The following CPSF2 variants were observed in gnomAD, a reference collection of about 807,000 sequenced individuals.
CPSF2 encodes cleavage and polyadenylation specificity factor subunit 2.
In CPSF2, 51 loss-of-function variants were observed where a neutral mutation model predicts 84.2. The ratio of observed to expected loss-of-function variants is 0.61; its 90% CI spans 0.48 to 0.77. The LOEUF (loss-of-function observed/expected upper bound fraction) is 0.77. Ranked by LOEUF, CPSF2 falls within the 30% of genes least tolerant of loss-of-function variation. The pLI, the probability that CPSF2 is intolerant of heterozygous loss-of-function variation, is 0.00. For missense variants in CPSF2, 641 were observed against 929.4 expected (o/e 0.69, Z 4.03); for synonymous variants, 286 against 311.9 (o/e 0.92, Z 0.87).
intron 3 of CPSF2, among the ~76,000 whole-genome samples, chr14:92,131,576 C>A (rs1398709788): frequency 6.6e-6 from 1 of 152,126 alleles, no homozygotes; most frequent in East Asian, 1.9e-4. Flanking sequence ...CAGTGGCTCA[C>A]GCTGGCAATC....
chr14:92,170,030 T>G lies in CPSF2; in HGVS notation c.*8286T>G, dbSNP rs1429928383. ...GGCTCATGCCTGTAGTCCCAGTTAC[T>G]CAGGAGGCTGAGGCAGGAGGATCCC... On this transcript the variant is annotated 3_prime_UTR_variant, in exon 16 of 16. Transcript: ENST00000298875. 1.3e-5 allele frequency: 2 copies of G among 152,076 alleles called. No individual in the cohort carries two copies. Among genetic ancestry groups the G allele is most frequent in the Non-Finnish European group, 2.9e-5 (2 of 68,074 alleles). The allele number at this position is 152,076 out of a possible 1,614,324, so 9.4% of individuals were successfully genotyped here.
In CPSF2 at chr14:92,157,584, T is replaced by C; in HGVS notation, c.1596-75T>C. On this transcript the variant is annotated intron_variant, in intron 12 of 15. Transcript: ENST00000298875. The surrounding 1 kb of genome is among the most constrained non-coding windows in gnomAD (Gnocchi z 4.0). ...ATTTCTCAAATCCTAGTGTTATATATTGTATACATGATAAAAGCCATTTTT... is the reference window on the plus strand; with the variant it reads ...ATTTCTCAAATCCTAGTGTTATATACTGTATACATGATAAAAGCCATTTTT... The C allele has an allele frequency of 1.1e-6, 1 of 871,550 alleles. No individual in the cohort carries two copies. Among genetic ancestry groups the C allele is most frequent in the Non-Finnish European group, 1.8e-6 (1 of 543,846 alleles). 54.0% of individuals were successfully genotyped at this position (871,550 alleles called of 1,614,324 possible).
At chr14:92,130,235 T>G (rs917488235) in intron 2 of CPSF2, among the ~76,000 whole-genome samples, 1 of 152,156 alleles carries the variant, frequency 6.6e-6, no homozygotes, top group Non-Finnish European at 1.5e-5. Context: ...CTGAAAAGTT[T>G]GTGAATTTCT....
At chr14:92,144,422 C>T (rs2069118971) in intron 9 of CPSF2, among the ~76,000 whole-genome samples, 1 of 152,218 alleles carries the variant, frequency 6.6e-6, no homozygotes, top group African/African-American at 2.4e-5. Flanking sequence ...TCAAGCATAT[C>T]ATTCTGAATT....
intron 9 of CPSF2, among the ~76,000 whole-genome samples, chr14:92,146,873 T>C (rs949833747): frequency 6.6e-6 from 1 of 152,216 alleles, no homozygotes; most frequent in African/African-American, 2.4e-5. Flanking sequence ...AGGATCTTTG[T>C]ACTAGCTGTT....
intron 3 of CPSF2, among the ~76,000 whole-genome samples, chr14:92,133,748 G>A (rs529526552): frequency 1.3e-5 from 2 of 151,920 alleles, no homozygotes; most frequent in Non-Finnish European, 2.9e-5. Flanking sequence ...TTACAGGTGT[G>A]TGCCATCACA....
At chr14:92,155,985 T>TA (rs2069284411) in intron 11 of CPSF2, among the ~76,000 whole-genome samples, 1 of 149,808 alleles carries the variant, frequency 6.7e-6, no homozygotes, top group Non-Finnish European at 1.5e-5. Flanking sequence ...GTGTGGAAAA[T>TA]AAAAAAAGAA....
Position 92,157,548 on chromosome 14 carries a change from A to G in CPSF2, c.1596-111A>G. 1.5e-6 allele frequency: 1 copy of G among 680,046 alleles called. No homozygotes were observed. The highest frequency in any genetic ancestry group is 2.5e-6 in the Non-Finnish European group (1 of 398,930). The allele number at this position is 680,046 out of a possible 1,614,324, so 42.1% of individuals were successfully genotyped here. On this transcript the variant is annotated intron_variant, in intron 12 of 15. Coordinates refer to ENST00000298875, the MANE Select transcript of CPSF2 (RefSeq NM_017437.3). The surrounding 1 kb of genome is among the most constrained non-coding windows in gnomAD (Gnocchi z 4.0). ...AAATAAAATAAATCATACAGATACTATAACATGTGTATTTCTCAAATCCTA... is the reference window on the plus strand; with the variant it reads ...AAATAAAATAAATCATACAGATACTGTAACATGTGTATTTCTCAAATCCTA...
chr14:92,129,543 C>T (rs78431522), intron 2 of CPSF2, among the ~76,000 whole-genome samples: 2,082 of 152,052 alleles, frequency 0.014, 49 homozygotes, highest in African/African-American at 0.047. Context: ...TTAGGTAACT[C>T]GGTGGCCTTC....
intron 9 of CPSF2, among the ~76,000 whole-genome samples, chr14:92,145,355 T>TA (rs35504896): frequency 0.098 from 14,925 of 152,102 alleles, 810 homozygotes; most frequent in East Asian, 0.15. Flanking sequence ...CACCACCCCC[T>TA]AACCCACTCC....
rs2068972589 is a variant in CPSF2 at position 92,134,368 on chromosome 14, T to G, written c.415+13T>G. On this transcript the variant is annotated intron_variant, in intron 5 of 15. Transcript: ENST00000298875. ...GTGAATTTGAAAGGTAAAAAGAATT[T>G]CCAGTAGTAAGTATTTAGATGAATG... The G allele has an allele frequency of 5.2e-6, 8 of 1,545,684 alleles. No individual in the cohort carries two copies. Among genetic ancestry groups the G allele is most frequent in the Non-Finnish European group, 7.1e-6 (8 of 1,121,846 alleles).
chr14:92,122,402 TC>T (rs1202791862), intron 1 of CPSF2: 1 of 158,712 alleles, frequency 6.3e-6, no homozygotes, highest in Non-Finnish European at 1.4e-5. Flanking sequence ...TCCCTCTGCT[TC>T]CCCTTTCATC....
intron 7 of CPSF2, among the ~76,000 whole-genome samples, chr14:92,139,948 C>CTTTTTTTTTTTTTTTTTTTT (rs1331887317): frequency 1.7e-5 from 2 of 115,848 alleles, no homozygotes; most frequent in African/African-American, 3.4e-5. Flanking sequence ...AAAAGTACAA[C>CTTTTTTTTTTTTTTTTTTTT]TATTTTTTTT....
chr14:92,149,865 C>A (rs1396747072), intron 9 of CPSF2, among the ~76,000 whole-genome samples: 2 of 151,892 alleles, frequency 1.3e-5, no homozygotes, highest in African/African-American at 4.8e-5. Context: ...CCATGTTAAC[C>A]AGGATGGTCT....
At chr14:92,137,122 G>C (rs1244452177) in intron 6 of CPSF2, among the ~76,000 whole-genome samples, 2 of 151,942 alleles carry the variant, frequency 1.3e-5, no homozygotes, top group East Asian at 3.9e-4. Context: ...AAATATACCA[G>C]TTGCAAGATG....
chr14:92,152,108 TTTTATTTATTA>T (rs2069227341), intron 9 of CPSF2, among the ~76,000 whole-genome samples: 1 of 151,690 alleles, frequency 6.6e-6, no homozygotes, highest in Non-Finnish European at 1.5e-5. Context: ...TGCCATGTGG[TTTTATTTATTA>T]TTTATTTATT....
At chr14:92,154,271 A>T in intron 9 of CPSF2, 87 bp from the exon 10 acceptor site, 1 of 832,642 alleles carries the variant, frequency 1.2e-6, no homozygotes, top group Non-Finnish European at 1.8e-6. Context: ...AGAGCAATTT[A>T]GAGATGTGAT....
At position 92,157,750 on chromosome 14, in the gene CPSF2, A is replaced by G; in HGVS notation, c.1687A>G (p.Ile563Val). 1.2e-6 allele frequency: 2 copies of G among 1,614,168 alleles called. No individual in the cohort carries two copies. Among genetic ancestry groups the G allele is most frequent in the African/African-American group, 1.3e-5 (1 of 75,054 alleles). ...TCAGATGAAACCACGACAGTTGATC[A>G]TCGTCCATGGCCCACCAGAGGCCAG... ...INQMKPRQLI[I>V]VHGPPEASQD... Residue 563 changes from isoleucine (I) to valine (V), a missense_variant, in exon 13 of 16, where the codon ATC (isoleucine) becomes GTC (valine). This residue lies in a region of CPSF2 where 430 missense variants were observed against 553.6 expected (regional missense o/e 0.78). Coordinates refer to ENST00000298875, the MANE Select transcript of CPSF2 (RefSeq NM_017437.3). This position sits in a 1 kb window ranked among gnomAD's most constrained non-coding sequence, Gnocchi z 4.0.
At chr14:92,154,190 A>G (rs868788010) in intron 9 of CPSF2, 168 bp from the exon 10 acceptor site, 1 of 517,330 alleles carries the variant, frequency 1.9e-6, no homozygotes, top group Non-Finnish European at 3.4e-6. Flanking sequence ...ATACTAATCT[A>G]AATAGGACCT....
Sources: allele counts gnomAD v4.1 joint callset (sites outside exome capture counted in the v4.1 genomes callset), GRCh38; gene constraint gnomAD v4.1.1; regional missense constraint gnomAD v4.1.1; non-coding constraint Gnocchi (gnomAD v3.1); transcripts MANE v1.5; gene names NCBI Gene and HGNC (gene_info 2026-07-23, HGNC 2026-07-21).